PKMYT1: variants seen among roughly 807,000 people sequenced by gnomAD.
PKMYT1 encodes protein kinase, membrane associated tyrosine/threonine 1.
In PKMYT1, 35 loss-of-function variants were observed where a neutral mutation model predicts 49.7. That is an observed-to-expected ratio of 0.70 (90% CI 0.54 to 0.93). The LOEUF is 0.93. Ranked by LOEUF, PKMYT1 falls within the 40% of genes least tolerant of loss-of-function variation. The probability of loss-of-function intolerance (pLI) is 0.00; values close to 1 mark genes in which losing one functional copy is unlikely to be tolerated. For synonymous variants in PKMYT1, 331 were observed against 287.6 expected (o/e 1.15, Z -1.53); for missense variants, 677 against 673.1 (o/e 1.01, Z -0.06).
Position 2,974,244 on chromosome 16 carries a change from C to G in PKMYT1, c.1152+1G>C. 1 of 1,563,766 alleles carries G rather than the reference C, an allele frequency of 6.4e-7. No individual in the cohort carries two copies. Among genetic ancestry groups the G allele is most frequent in the Non-Finnish European group, 8.7e-7 (1 of 1,155,012 alleles). ...GGCAGCCGCCACTGTCGGGAGCTTA[C>G]CTGCCACAGGGCCCACCCTCGGCTC... On this transcript the variant is annotated splice_donor_variant, in intron 6 of 8. Transcript: ENST00000262300. LOFTEE classifies it high-confidence loss of function.
At chr16:2,973,856 C>A (rs1567384000) in intron 7 of PKMYT1, 144 bp downstream of exon 7, 4 of 913,836 alleles carry the variant, frequency 4.4e-6, no homozygotes, top group Admixed American at 2.5e-5. Flanking sequence ...CCAGGCCACA[C>A]ACCCCCAGTC....
chr16:2,977,065 G>A, intron 2 of PKMYT1, 34 bp from the exon 3 acceptor site: 1 of 1,589,444 alleles, frequency 6.3e-7, no homozygotes, highest in Non-Finnish European at 8.5e-7. Flanking sequence ...GTACAGGGCA[G>A]CATGTCCACT....
intron 7 of PKMYT1, among the ~76,000 whole-genome samples, 188 bp downstream of exon 7, chr16:2,973,812 G>A (rs1048525480): frequency 1.2e-4 from 18 of 152,128 alleles, no homozygotes; most frequent in Admixed American, 6.5e-5. Flanking sequence ...TGCCCTGAAC[G>A]GCCAGTCCAC....
intron 2 of PKMYT1, chr16:2,979,346 A>G (rs2072282525): frequency 6.5e-6 from 2 of 306,860 alleles, no homozygotes; most frequent in South Asian, 7.5e-5. Flanking sequence ...AAAAATATAC[A>G]TAATAGTAAA....
At chr16:2,978,739 C>A (rs1371578510) in intron 2 of PKMYT1, among the ~76,000 whole-genome samples, 1 of 117,736 alleles carries the variant, frequency 8.5e-6, no homozygotes, top group African/African-American at 3.2e-5. Context: ...CAGAGCGAGA[C>A]TCTGTCTCAA....
intron 4 of PKMYT1, 68 bp downstream of exon 4, chr16:2,975,251 A>T (rs918704581): frequency 2.0e-6 from 3 of 1,476,884 alleles, no homozygotes; most frequent in Non-Finnish European, 2.7e-6. Context: ...CCTCCTGGGG[A>T]ATGGAGCTTC....
chr16:2,972,868 G>T lies in PKMYT1; in HGVS notation c.*85C>A. ...ACACGGCCAGGCAGAGAAGACCATGGGAGTTCCCGAGGGGCCCCAGCTTTC... is the reference window on the plus strand; with the variant it reads ...ACACGGCCAGGCAGAGAAGACCATGTGAGTTCCCGAGGGGCCCCAGCTTTC... On this transcript the variant is annotated 3_prime_UTR_variant, in exon 9 of 9. Coordinates refer to ENST00000262300, the MANE Select transcript of PKMYT1 (RefSeq NM_004203.5). 6.5e-7 allele frequency: 1 copy of T among 1,536,352 alleles called. No homozygotes were observed. Among genetic ancestry groups the T allele is most frequent in the Admixed American group, 2.0e-5 (1 of 50,178 alleles).
At position 2,979,663 on chromosome 16, in the gene PKMYT1, G is replaced by A; in HGVS notation, c.-6C>T. The A allele has an allele frequency of 6.2e-7, 1 of 1,613,420 alleles. No homozygotes were observed. The highest frequency in any genetic ancestry group is 8.5e-7 in the Non-Finnish European group (1 of 1,179,450). On this transcript the variant is annotated 5_prime_UTR_variant, in exon 2 of 9. Transcript: ENST00000262300. ...TACGACTTACGTTCTAGCATGACTG[G>A]CCTGGCCCAACAGCCTCAGTGGTGG...
Position 2,973,190 on chromosome 16 carries a change from G to A in PKMYT1, c.1336C>T (p.Leu446=). Residue 446 remains leucine, a synonymous_variant, in exon 8 of 9, where the codon CTG becomes TTG. Transcript: ENST00000262300. ...GAGGTGCTCCCCACAGTCCGGGCCA[G>A]GACAGCCTCAGGGGAGAGTGAAGGC... ...LGPSLSPEAV[L]ARTVGSTSTP... is the part of the protein sequence containing the mutation. The A allele has an allele frequency of 6.6e-7, 1 of 1,522,630 alleles. No homozygotes were observed. The highest frequency in any genetic ancestry group is 8.8e-7 in the Non-Finnish European group (1 of 1,130,468). 94.3% of individuals were successfully genotyped at this position (1,522,630 alleles called of 1,614,324 possible).
At chr16:2,979,971 G>T (rs1006202821) in intron 1 of PKMYT1, 59 bp from the exon 2 acceptor site, 14 of 447,216 alleles carry the variant, frequency 3.1e-5, no homozygotes. Context: ...TGCAGAAGAA[G>T]AGAGGCTGTC....
rs1461148197 is a variant in PKMYT1, at chr16:2,976,404, G to A, written c.378+260C>T. ...CTGCACAGCTGGCGCCAGGGCCGGA[G>A]GAGATGGCACAGGGGCTGCTGCAGG... On this transcript the variant is annotated intron_variant, in intron 3 of 8. Transcript: ENST00000262300. 3.3e-5 allele frequency among the ~76,000 whole-genome samples: 5 copies of A among 152,340 alleles called. No individual in the cohort carries two copies. In the South Asian group the frequency reaches 8.3e-4, roughly 25 times the overall value.
At chr16:2,977,268 T>G in intron 2 of PKMYT1, 1 of 1,362,614 alleles carries the variant, frequency 7.3e-7, no homozygotes, top group Non-Finnish European at 9.5e-7. Context: ...AGGAAAACCA[T>G]GGGGCCCGTG....
intron 7 of PKMYT1, chr16:2,973,469 C>T (rs965654426): frequency 2.7e-6 from 4 of 1,505,774 alleles, no homozygotes; most frequent in Non-Finnish European, 2.7e-6. Context: ...TTGAAATAAA[C>T]TTTTAGTAAA....
Position 2,976,862 on chromosome 16 carries a change from G to T in PKMYT1, c.180C>A (p.Ser60Arg). Residue 60 changes from serine (S) to arginine (R), a missense_variant, in exon 3 of 9, where the codon AGC becomes AGA. Transcript: ENST00000262300. ...SLPPPPPAKG[S>R]IPISRLFPPR... ...GAGGGAAGAGGCGGCTGATGGGAAT[G>T]CTGCCCTTGGCAGGGGGCGGAGGTG... 6.5e-7 allele frequency: 1 copy of T among 1,531,322 alleles called. No homozygotes were observed. The highest frequency in any genetic ancestry group is 8.8e-7 in the Non-Finnish European group (1 of 1,134,068). 94.9% of individuals were successfully genotyped at this position (1,531,322 alleles called of 1,614,324 possible). A position where few individuals can be genotyped will look rare whatever the true frequency, so the allele number is the denominator to read the frequency against.
intron 7 of PKMYT1, chr16:2,973,478 A>T (rs1281234370): frequency 6.7e-7 from 1 of 1,485,754 alleles, no homozygotes; most frequent in African/African-American, 1.4e-5. Flanking sequence ...ACTTTTAGTA[A>T]ATGTAAGCCT....
chr16:2,975,873 TA>T (rs2072177655), intron 3 of PKMYT1, 61 bp from the exon 4 acceptor site: 2 of 1,531,730 alleles, frequency 1.3e-6, no homozygotes, highest in Non-Finnish European at 1.8e-6. Context: ...CACAATCACA[TA>T]GGGGGACAAC....
chr16:2,978,282 T>C (rs927112057), intron 2 of PKMYT1, among the ~76,000 whole-genome samples: 2 of 152,194 alleles, frequency 1.3e-5, no homozygotes, highest in Admixed American at 1.3e-4. Flanking sequence ...GTGGAAGTTT[T>C]GGTGGTGCGC....
rs1442482779 is a variant in PKMYT1, at chr16:2,979,779, C to T, written c.-122G>A. On this transcript the variant is annotated 5_prime_UTR_variant, in exon 2 of 9. Transcript: ENST00000262300. ...GGGGTGACCTCCGCAGCTTCCGGGG[C>T]CCTGGGCGATCGGGCCGTCTCGCCT... 60 of 1,225,822 alleles carry T rather than the reference C, an allele frequency of 4.9e-5. No individual in the cohort carries two copies. Among genetic ancestry groups the T allele is most frequent in the Non-Finnish European group, 7.1e-5 (60 of 850,650 alleles). The allele number at this position is 1,225,822 out of a possible 1,614,324, so 75.9% of individuals were successfully genotyped here.
chr16:2,977,641 G>T (rs1436199574), intron 2 of PKMYT1: 1 of 297,478 alleles, frequency 3.4e-6, no homozygotes, highest in Non-Finnish European at 5.0e-6. Flanking sequence ...GCAAACAAAG[G>T]TTTACACAAG....
Sources: allele counts gnomAD v4.1 joint callset (sites outside exome capture counted in the v4.1 genomes callset), GRCh38; gene constraint gnomAD v4.1.1; transcripts MANE v1.5; gene names NCBI Gene and HGNC (gene_info 2026-07-23, HGNC 2026-07-21).